The following MMP14 variants were observed in gnomAD, a reference collection of about 807,000 sequenced individuals.
MMP14 encodes matrix metallopeptidase 14.
A neutral mutation model predicts 64.8 loss-of-function variants in MMP14; 13 were observed. The ratio of observed to expected loss-of-function variants is 0.20; its 90% CI spans 0.13 to 0.32. The LOEUF is 0.32. Among genes scored for constraint, MMP14 ranks in the 10% least tolerant of loss-of-function variants. MMP14 has a pLI of 1.00. For synonymous variants in MMP14, 322 were observed against 315.9 expected (o/e 1.02, Z -0.20); for missense variants, 594 against 783.8 (o/e 0.76, Z 2.89).
At position 22,845,652 on chromosome 14, in the gene MMP14, C is replaced by T; in HGVS notation, c.1418-56C>T. On this transcript the variant is annotated intron_variant, in intron 9 of 9. Transcript: ENST00000311852. ...TTAACAGAGCTTCCCTCGCTCCTCTCCTCTCCTCTCTTTGGGTCTTCCCTT... is the reference window on the plus strand; with the variant it reads ...TTAACAGAGCTTCCCTCGCTCCTCTTCTCTCCTCTCTTTGGGTCTTCCCTT... 3 of 1,565,170 alleles carry T rather than the reference C, an allele frequency of 1.9e-6. No homozygotes were observed. The South Asian group carries it at 3.4e-5, about 18-fold the overall frequency.
chr14:22,845,340 G>A lies in MMP14; in HGVS notation c.1391G>A (p.Arg464Lys). The change falls in exon 9 of 10, where the codon AGA becomes AAA. Residue 464 changes from arginine (R) to lysine (K), a missense_variant. Physicochemically the swap from Arg to Lys is conservative, Grantham distance 26. Around this residue, in one of 4 missense-constraint regions of MMP14, gnomAD observed 364 missense variants for 425.2 expected, o/e 0.86. Coordinates refer to ENST00000311852, the MANE Select transcript of MMP14 (RefSeq NM_004995.4). ...TGGGAAGGGATCCCTGAGTCTCCCA[G>A]AGGGTCATTCATGGGCAGCGATGAA... ...KVWEGIPESPRGSFMGSDEVF... is the reference protein window; with the variant it reads ...KVWEGIPESPKGSFMGSDEVF... The A allele has an allele frequency of 6.2e-7, 1 of 1,612,184 alleles. No homozygotes were observed. Among genetic ancestry groups the A allele is most frequent in the South Asian group, 1.1e-5 (1 of 90,726 alleles).
At chr14:22,838,114 G>T (rs1409274735) in intron 1 of MMP14, among the ~76,000 whole-genome samples, 1 of 152,212 alleles carries the variant, frequency 6.6e-6, no homozygotes, top group Non-Finnish European at 1.5e-5. Context: ...CAGGAATCGG[G>T]GTGGAAGACG....
chr14:22,845,592 TCACGAA>T (rs2039806649), intron 9 of MMP14, 110 bp from the exon 10 acceptor site: 11 of 1,128,100 alleles, frequency 9.8e-6, no homozygotes, highest in Middle Eastern at 2.1e-4. Context: ...AAGCTGATGC[TCACGAA>T]GGTGGAGGGA....
At position 22,836,842 on chromosome 14, in the gene MMP14, C is replaced by T; in HGVS notation, c.25C>T (p.Arg9Cys). Residue 9 changes from arginine (R) to cysteine (C), a missense_variant, in exon 1 of 10, where the codon CGT (arginine) becomes TGT (cysteine). By Grantham distance (180) the Arg-to-Cys change is radical. Around this residue, in one of 4 missense-constraint regions of MMP14, gnomAD observed 45 missense variants for 48.8 expected, o/e 0.92. Coordinates refer to ENST00000311852, the MANE Select transcript of MMP14 (RefSeq NM_004995.4). ...CATGTCTCCCGCCCCAAGACCCCCCCGTTGTCTCCTGCTCCCCCTGCTCAC... is the reference window on the plus strand; with the variant it reads ...CATGTCTCCCGCCCCAAGACCCCCCTGTTGTCTCCTGCTCCCCCTGCTCAC... MSPAPRPP[R>C]CLLLPLLTLG... is the part of the protein sequence containing the mutation. The T allele has an allele frequency of 1.2e-6, 2 of 1,613,122 alleles. No homozygotes were observed. The highest frequency in any genetic ancestry group is 1.1e-5 in the South Asian group (1 of 90,940).
intron 1 of MMP14, among the ~76,000 whole-genome samples, chr14:22,838,280 G>A (rs1228239725): frequency 2.6e-5 from 4 of 152,292 alleles, no homozygotes; most frequent in Non-Finnish European, 5.9e-5. Context: ...GAGCATCTGG[G>A]GAGCTGCCGA....
chr14:22,838,305 G>C (rs887915877), intron 1 of MMP14, among the ~76,000 whole-genome samples: 3 of 152,162 alleles, frequency 2.0e-5, no homozygotes, highest in African/African-American at 7.2e-5. Flanking sequence ...CAACTTCACT[G>C]CCTTACCTTT....
At chr14:22,837,430 G>A (rs1347351547) in intron 1 of MMP14, 5 of 455,330 alleles carry the variant, frequency 1.1e-5, no homozygotes, top group African/African-American at 2.0e-5. Context: ...GGACGAGTCT[G>A]CGGCCAGGTG....
In MMP14 at chr14:22,842,210, G is replaced by A. The variant is rs2039777588; in HGVS notation, c.380+175G>A. ...TGAGAGAGGTGTAGCCATCAAGGGT[G>A]CACCCCAGTGCCAGAGAGCCAGAGC... On this transcript the variant is annotated intron_variant, in intron 3 of 9. Coordinates refer to ENST00000311852, the MANE Select transcript of MMP14 (RefSeq NM_004995.4). The surrounding 1 kb of genome is among the most constrained non-coding windows in gnomAD (Gnocchi z 5.3). 2.0e-6 allele frequency: 2 copies of A among 1,019,030 alleles called. No homozygotes were observed. The highest frequency in any genetic ancestry group is 1.6e-5 in the South Asian group (1 of 61,664). The allele number at this position is 1,019,030 out of a possible 1,614,324, so 63.1% of individuals were successfully genotyped here. A position where few individuals can be genotyped will look rare whatever the true frequency, so the allele number is the denominator to read the frequency against.
At chr14:22,840,799 C>G (rs1036957276) in intron 1 of MMP14, among the ~76,000 whole-genome samples, 10 of 152,294 alleles carry the variant, frequency 6.6e-5, no homozygotes, top group African/African-American at 2.4e-4. Context: ...TGTGAGCCAC[C>G]GCGCCCGGCC....
rs190858236 is a variant in MMP14 at position 22,844,174 on chromosome 14, A to G, written c.1012-197A>G. On this transcript the variant is annotated intron_variant, in intron 6 of 9. Coordinates refer to ENST00000311852, the MANE Select transcript of MMP14 (RefSeq NM_004995.4). The stretch of plus-strand genomic sequence containing the variant: ...ATAGGGCCATTGCACTCCAGCCTGG[A>G]CAACAGTGTGAGACTCCATCTCAAA... Among the ~76,000 whole-genome samples the G allele has an allele frequency of 3.2e-3, 479 of 150,074 alleles. 1 individual carries two copies. The highest frequency in any genetic ancestry group is 0.011 in the African/African-American group (448 of 40,654).
rs2039792939 is a variant in MMP14, at chr14:22,843,989, A to G, written c.1011+119A>G. ...GGCAGGTGGATCACCTGAGGTCTGG[A>G]GTTCGAGAGCAGGCTGGCCAACATA... On this transcript the variant is annotated intron_variant, in intron 6 of 9. Transcript: ENST00000311852. This position sits in a 1 kb window ranked among gnomAD's most constrained non-coding sequence, Gnocchi z 4.8. 7.8e-7 allele frequency: 1 copy of G among 1,285,536 alleles called. No homozygotes were observed. The highest frequency in any genetic ancestry group is 1.9e-4 in the Middle Eastern group (1 of 5,178). 79.6% of individuals were successfully genotyped at this position (1,285,536 alleles called of 1,614,324 possible). A position where few individuals can be genotyped will look rare whatever the true frequency, so the allele number is the denominator to read the frequency against.
At position 22,847,602 on chromosome 14, in the gene MMP14, C is replaced by G. The variant is rs889936859; in HGVS notation, c.*1563C>G. 8.1e-6 allele frequency: 1 copy of G among 123,572 alleles called. No homozygotes were observed. The highest frequency in any genetic ancestry group is 3.1e-5 in the African/African-American group (1 of 32,692). 7.7% of individuals were successfully genotyped at this position (123,572 alleles called of 1,614,324 possible). ...TATTATATATGAATTCCATTCAAAT[C>G]GTTCCTTTTTGTTAACAAGGGGCAT... is the stretch of plus-strand genomic sequence containing the variant. On this transcript the variant is annotated 3_prime_UTR_variant, in exon 10 of 10. Coordinates refer to ENST00000311852, the MANE Select transcript of MMP14 (RefSeq NM_004995.4).
In MMP14 at chr14:22,844,356, T is replaced by C. The variant is rs774256064; in HGVS notation, c.1012-15T>C. ...CAAGACATAATGGACTTTTCCTGCA[T>C]TGACCGGCTTCCAGGAGCGCTGGTT... On this transcript the variant is annotated splice_polypyrimidine_tract_variant and intron_variant, in intron 6 of 9. Transcript: ENST00000311852. 5.6e-6 allele frequency: 9 copies of C among 1,613,940 alleles called. No homozygotes were observed. Among genetic ancestry groups the C allele is most frequent in the East Asian group, 4.5e-5 (2 of 44,904 alleles).
At position 22,843,767 on chromosome 14, in the gene MMP14, C is replaced by T; in HGVS notation, c.908C>T (p.Pro303Leu). The change falls in exon 6 of 10, where the codon CCT (proline) becomes CTT (leucine). Residue 303 changes from proline to leucine, a missense_variant. Pro to Leu is a moderately conservative substitution (Grantham distance 98). Coordinates refer to ENST00000311852, the MANE Select transcript of MMP14 (RefSeq NM_004995.4). The surrounding 1 kb of genome is among the most constrained non-coding windows in gnomAD (Gnocchi z 4.8). ...CCTCAACCCAGGACTACCTCCCGGC[C>T]TTCTGTTCCTGATAAACCCAAAAAC... ...MPPQPRTTSR[P>L]SVPDKPKNPT... 6.2e-7 allele frequency: 1 copy of T among 1,613,284 alleles called. No homozygotes were observed. Among genetic ancestry groups the T allele is most frequent in the Non-Finnish European group, 8.5e-7 (1 of 1,179,842 alleles).
rs565268793 is a variant in MMP14 at position 22,845,359 on chromosome 14, C to T, written c.1410C>T (p.Ser470=). The change falls in exon 9 of 10, where the codon AGC becomes AGT. Residue 470 remains serine, a synonymous_variant. Transcript: ENST00000311852. The part of the protein sequence containing the change: ...PESPRGSFMG[S]DEVFTYFYKG... The stretch of plus-strand genomic sequence containing the variant: ...CTCCCAGAGGGTCATTCATGGGCAG[C>T]GATGAAGGTGAGAGGGGCAAGGGAA... 88 of 1,603,936 alleles carry T rather than the reference C, an allele frequency of 5.5e-5. 1 individual carries two copies. The South Asian group carries it at 6.8e-4, about 12-fold the overall frequency.
chr14:22,841,364 G>T, intron 1 of MMP14, 127 bp from the exon 2 acceptor site: 1 of 1,243,722 alleles, frequency 8.0e-7, no homozygotes, highest in South Asian at 1.4e-5. Context: ...CCTGCTGCCG[G>T]AGCCAAGCTG....
At position 22,842,753 on chromosome 14, in the gene MMP14, A is replaced by C; in HGVS notation, c.688+36A>C. On this transcript the variant is annotated intron_variant, in intron 4 of 9. Coordinates refer to ENST00000311852, the MANE Select transcript of MMP14 (RefSeq NM_004995.4). This position sits in a 1 kb window ranked among gnomAD's most constrained non-coding sequence, Gnocchi z 5.3. ...TATCCCTGGGACTTACTCTGGAAAAAGCCAACAGTCATTTGTAGGGGTGGT... is the reference window on the plus strand; with the variant it reads ...TATCCCTGGGACTTACTCTGGAAAACGCCAACAGTCATTTGTAGGGGTGGT... 6.4e-7 allele frequency: 1 copy of C among 1,555,608 alleles called. No homozygotes were observed. The highest frequency in any genetic ancestry group is 8.7e-7 in the Non-Finnish European group (1 of 1,147,860).
Position 22,842,292 on chromosome 14 carries a change from TG to T in MMP14, c.381-115del. Reference sequence around the variant, plus strand: ...TTGCGCATGAGGTAGCAGGAAGAGCTGGGTCAGGCAGAGGTGGCTGGGCCGC... The same window carrying T: ...TTGCGCATGAGGTAGCAGGAAGAGCTGGTCAGGCAGAGGTGGCTGGGCCGC... On this transcript the variant is annotated intron_variant, in intron 3 of 9. Coordinates refer to ENST00000311852, the MANE Select transcript of MMP14 (RefSeq NM_004995.4). This position sits in a 1 kb window ranked among gnomAD's most constrained non-coding sequence, Gnocchi z 5.3. The T allele has an allele frequency of 8.4e-7, 1 of 1,192,048 alleles. No individual in the cohort carries two copies. Among genetic ancestry groups the T allele is most frequent in the Non-Finnish European group, 1.2e-6 (1 of 844,484 alleles). The allele number at this position is 1,192,048 out of a possible 1,614,324, so 73.8% of individuals were successfully genotyped here.
intron 8 of MMP14, among the ~76,000 whole-genome samples, 167 bp downstream of exon 8, chr14:22,844,947 G>A (rs377268815): frequency 2.6e-5 from 4 of 152,222 alleles, no homozygotes; most frequent in South Asian, 2.1e-4. Context: ...TTTGGGCACC[G>A]TGTGAGTGGG....
Sources: allele counts gnomAD v4.1 joint callset (sites outside exome capture counted in the v4.1 genomes callset), GRCh38; gene constraint gnomAD v4.1.1; regional missense constraint gnomAD v4.1.1; non-coding constraint Gnocchi (gnomAD v3.1); transcripts MANE v1.5; gene names NCBI Gene and HGNC (gene_info 2026-07-23, HGNC 2026-07-21).